The following PTAR1 variants were observed in gnomAD, a reference collection of about 807,000 sequenced individuals.
The protein encoded by PTAR1 is protein prenyltransferase alpha subunit repeat containing 1.
PTAR1 carries 17 observed loss-of-function variants against 45.5 expected under a neutral mutation model. That is an observed-to-expected ratio of 0.37 (90% CI 0.26 to 0.56). The LOEUF is 0.56. Ranked by LOEUF, PTAR1 falls within the 20% of genes least tolerant of loss-of-function variation. PTAR1 has a pLI of 0.77. For missense variants in PTAR1, 391 were observed against 476.3 expected, an observed-to-expected ratio of 0.82 and a Z score of 1.67; for synonymous variants, 169 against 171.3, an observed-to-expected ratio of 0.99 and a Z score of 0.11.
At chr9:69,729,509 GCTA>G (rs1177880679) in intron 5 of PTAR1, among the ~76,000 whole-genome samples, 3 of 152,050 alleles carry the variant, frequency 2.0e-5, no homozygotes, top group Non-Finnish European at 2.9e-5. Context: ...TACTATAAAT[GCTA>G]CTTTTATATA....
At position 69,715,525 on chromosome 9, in the gene PTAR1, T is replaced by C. The variant is rs1468984169; in HGVS notation, c.*2817A>G. The C allele has an allele frequency of 2.0e-5, 3 of 152,194 alleles. No homozygotes were observed. Among genetic ancestry groups the C allele is most frequent in the Admixed American group, 2.0e-4 (3 of 15,254 alleles). The allele number at this position is 152,194 out of a possible 1,614,324, so 9.4% of individuals were successfully genotyped here. On this transcript the variant is annotated 3_prime_UTR_variant, in exon 8 of 8. Coordinates refer to ENST00000340434, the MANE Select transcript of PTAR1 (RefSeq NM_001099666.2). ...TGTTGGAGACAGTTACAGAGCTTAA[T>C]GCTTTTTGCTTGTCAGTAGTATTCT...
intron 1 of PTAR1, chr9:69,757,765 A>G (rs1826855564): frequency 6.6e-6 from 1 of 152,106 alleles, no homozygotes; most frequent in Non-Finnish European, 1.5e-5. Flanking sequence ...TAAAAAAAAA[A>G]AAAGAAACAC....
chr9:69,750,836 A>G lies in PTAR1; in HGVS notation c.201T>C (p.Tyr67=). The G allele has an allele frequency of 1.2e-6, 2 of 1,611,680 alleles. No individual in the cohort carries two copies. Among genetic ancestry groups the G allele is most frequent in the Non-Finnish European group, 1.7e-6 (2 of 1,178,658 alleles). ...TGTACAAAAGGAGCTTGTTGTGGACATATGGTAAAAGGAACTTGACACACC... is the reference window on the plus strand; with the variant it reads ...TGTACAAAAGGAGCTTGTTGTGGACGTATGGTAAAAGGAACTTGACACACC... ...ESWCVKFLLP[Y]VHNKLLLYRT... is the part of the protein sequence containing the mutation. Residue 67 remains tyrosine (Y), a synonymous_variant, in exon 2 of 8, where the codon TAT becomes TAC. Transcript: ENST00000340434.
At position 69,712,373 on chromosome 9, in the gene PTAR1, A is replaced by G. The variant is rs1373842230; in HGVS notation, c.*5969T>C. ...TGGAAGGTGTTGGTCTAATAAAGAA[A>G]ACTGCTTTAAGTAGGAGCACTTTTA... On this transcript the variant is annotated 3_prime_UTR_variant, in exon 8 of 8. Transcript: ENST00000340434. 1 of 152,190 alleles carries G rather than the reference A, an allele frequency of 6.6e-6. No individual in the cohort carries two copies. Among genetic ancestry groups the G allele is most frequent in the Non-Finnish European group, 1.5e-5 (1 of 68,016 alleles). 9.4% of individuals were successfully genotyped at this position (152,190 alleles called of 1,614,324 possible).
rs558346196 is a variant in PTAR1 at position 69,756,690 on chromosome 9, C to A, written c.86+3163G>T. 4.6e-5 allele frequency among the ~76,000 whole-genome samples: 7 copies of A among 152,236 alleles called. No individual in the cohort carries two copies. The South Asian group carries it at 1.5e-3, about 32-fold the overall frequency. On this transcript the variant is annotated intron_variant, in intron 1 of 7. Coordinates refer to ENST00000340434, the MANE Select transcript of PTAR1 (RefSeq NM_001099666.2). ...CCAGACTTTAATACTTGGCTTAAAACCCACCTCCACTAGCACCCCTATCCG... is the reference window on the plus strand; with the variant it reads ...CCAGACTTTAATACTTGGCTTAAAAACCACCTCCACTAGCACCCCTATCCG...
chr9:69,723,813 T>G (rs1426097641), intron 5 of PTAR1, among the ~76,000 whole-genome samples, 183 bp from the exon 6 acceptor site: 1 of 152,176 alleles, frequency 6.6e-6, no homozygotes, highest in Non-Finnish European at 1.5e-5. Flanking sequence ...GCGAATTTTC[T>G]CTTTCCCATA....
rs145725916 is a variant in PTAR1, at chr9:69,734,739, C to A, written c.324-485G>T. 2.2e-3 allele frequency among the ~76,000 whole-genome samples: 340 copies of A among 152,218 alleles called. 4 individuals are homozygous for A. In the East Asian group the frequency reaches 0.034, roughly 15 times the overall value. On this transcript the variant is annotated intron_variant, in intron 3 of 7. Coordinates refer to ENST00000340434, the MANE Select transcript of PTAR1 (RefSeq NM_001099666.2). ...GTTGAGATGTAAGGGAAAAAAAAAT[C>A]ATTCATGGAATCACTATTCTAACCA... is the stretch of plus-strand genomic sequence containing the variant.
intron 3 of PTAR1, among the ~76,000 whole-genome samples, chr9:69,739,394 GC>G (rs1471939104): frequency 2.7e-4 from 36 of 132,410 alleles, no homozygotes; most frequent in African/African-American, 7.4e-4. Context: ...AATTTCCAAA[GC>G]AAAAAAAAAA....
chr9:69,755,080 T>C (rs1040739195), intron 1 of PTAR1, among the ~76,000 whole-genome samples: 1 of 152,216 alleles, frequency 6.6e-6, no homozygotes, highest in African/African-American at 2.4e-5. Flanking sequence ...TAAATTTCAC[T>C]CTTTTACACT....
chr9:69,734,830 A>G (rs1366866113), intron 3 of PTAR1, among the ~76,000 whole-genome samples: 3 of 152,198 alleles, frequency 2.0e-5, no homozygotes, highest in African/African-American at 7.2e-5. Flanking sequence ...ATTTTAACAT[A>G]TAATTTTACA....
intron 1 of PTAR1, among the ~76,000 whole-genome samples, chr9:69,752,270 G>A (rs891023210): frequency 6.6e-6 from 1 of 152,084 alleles, no homozygotes; most frequent in Non-Finnish European, 1.5e-5. Context: ...GAATTACAAA[G>A]TAGGAGAAAC....
intron 1 of PTAR1, 75 bp downstream of exon 1, chr9:69,759,778 A>G (rs1827001439): frequency 5.0e-6 from 7 of 1,391,616 alleles, no homozygotes; most frequent in East Asian, 3.1e-5. Flanking sequence ...CCGCCGCCCG[A>G]GGTCGGGTGG....
At chr9:69,759,554 G>A (rs1437332570) in intron 1 of PTAR1, among the ~76,000 whole-genome samples, 2 of 152,188 alleles carry the variant, frequency 1.3e-5, no homozygotes, top group East Asian at 1.9e-4. Context: ...CGACCTACGG[G>A]GGACGTCTCT....
intron 3 of PTAR1, among the ~76,000 whole-genome samples, chr9:69,736,292 C>T (rs2134122353): frequency 6.6e-6 from 1 of 152,248 alleles, no homozygotes; most frequent in East Asian, 1.9e-4. Context: ...GGCACGGTAG[C>T]TCACGCCTGT....
chr9:69,757,284 C>T (rs950292800), intron 1 of PTAR1: 4 of 152,162 alleles, frequency 2.6e-5, no homozygotes, highest in African/African-American at 9.7e-5. Flanking sequence ...TTTAGAGAAT[C>T]CAATATGATT....
chr9:69,735,956 T>A (rs981294957), intron 3 of PTAR1, among the ~76,000 whole-genome samples: 2 of 149,240 alleles, frequency 1.3e-5, no homozygotes, highest in African/African-American at 4.9e-5. Context: ...ATAATATATA[T>A]ATAAAATATA....
At chr9:69,737,434 T>C (rs1825842143) in intron 3 of PTAR1, among the ~76,000 whole-genome samples, 1 of 152,202 alleles carries the variant, frequency 6.6e-6, no homozygotes. Flanking sequence ...AATAAGAATC[T>C]GACTGGAGAT....
intron 4 of PTAR1, among the ~76,000 whole-genome samples, chr9:69,733,103 T>C (rs1825617441): frequency 6.6e-6 from 1 of 152,184 alleles, no homozygotes; most frequent in Non-Finnish European, 1.5e-5. Flanking sequence ...CTTTGTCATT[T>C]TAAAATAATG....
rs1824532846 is a variant in PTAR1 at position 69,711,740 on chromosome 9, CCTAT to C, written c.*6598_*6601del. The C allele has an allele frequency of 6.6e-6, 1 of 152,110 alleles. No individual in the cohort carries two copies. Among genetic ancestry groups the C allele is most frequent in the South Asian group, 2.1e-4 (1 of 4,830 alleles). The allele number at this position is 152,110 out of a possible 1,614,324, so 9.4% of individuals were successfully genotyped here. A position where few individuals can be genotyped will look rare whatever the true frequency, so the allele number is the denominator to read the frequency against. On this transcript the variant is annotated 3_prime_UTR_variant, in exon 8 of 8. Transcript: ENST00000340434. Reference sequence around the variant, plus strand: ...AAATACTACTTAATCTTTCACATCTCCTATCTTTCAACTATGTTCTGTATAAATA... The same window carrying C: ...AAATACTACTTAATCTTTCACATCTCCTTTCAACTATGTTCTGTATAAATA...
Sources: gnomAD v4.1 joint callset for allele counts (sites outside exome capture counted in the v4.1 genomes callset) on GRCh38, gnomAD v4.1.1 for gene constraint, MANE v1.5 for transcripts, NCBI Gene and HGNC (gene_info 2026-07-23, HGNC 2026-07-21) for gene names.